TSHZ2: variants seen among roughly 807,000 people sequenced by gnomAD.
TSHZ2 encodes teashirt homolog 2.
TSHZ2 carries 21 observed loss-of-function variants against 74.4 expected under a neutral mutation model. The observed-to-expected ratio is 0.28, with a 90% confidence interval of 0.20 to 0.41. The LOEUF (loss-of-function observed/expected upper bound fraction) is 0.41. Ranked by LOEUF, TSHZ2 falls within the 10% of genes least tolerant of loss-of-function variation. TSHZ2 has a pLI of 1.00. For synonymous variants in TSHZ2, 540 were observed against 515.3 expected, an observed-to-expected ratio of 1.05 and a Z score of -0.65; for missense variants, 1,244 against 1,293.5, an observed-to-expected ratio of 0.96 and a Z score of 0.59.
At chr20:53,313,668 G>A (rs531954421) in intron 2 of TSHZ2, among the ~76,000 whole-genome samples, 1 of 152,176 alleles carries the variant, frequency 6.6e-6, no homozygotes, top group South Asian at 2.1e-4. Flanking sequence ...CAGAAACCCT[G>A]GGTTATTTTC....
intron 1 of TSHZ2, among the ~76,000 whole-genome samples, chr20:53,236,575 G>C (rs1989944112): frequency 6.6e-6 from 1 of 152,192 alleles, no homozygotes; most frequent in South Asian, 2.1e-4. Flanking sequence ...GAGGGCACTG[G>C]GTCTGGGGTC....
intron 2 of TSHZ2, among the ~76,000 whole-genome samples, chr20:53,435,541 T>G (rs1984018592): frequency 1.3e-5 from 2 of 152,130 alleles, no homozygotes; most frequent in Non-Finnish European, 2.9e-5. Context: ...TGAGACAGAG[T>G]CTTGCTCTGT....
At chr20:53,235,137 C>CCG (rs1989912073) in intron 1 of TSHZ2, among the ~76,000 whole-genome samples, 2 of 72,442 alleles carry the variant, frequency 2.8e-5, no homozygotes, top group South Asian at 1.1e-3. Flanking sequence ...TTGGGCGGGG[C>CCG]GGGGGGGGGG....
chr20:52,991,219 T>C (rs1227790998), intron 1 of TSHZ2, among the ~76,000 whole-genome samples: 4 of 151,254 alleles, frequency 2.6e-5, no homozygotes, highest in African/African-American at 9.7e-5. Context: ...GTGTGGATTA[T>C]GTATGTTGTG....
chr20:53,258,294 G>A (rs980685375), intron 2 of TSHZ2, among the ~76,000 whole-genome samples: 2 of 152,006 alleles, frequency 1.3e-5, no homozygotes, highest in Non-Finnish European at 2.9e-5. Flanking sequence ...GTTCAACAGC[G>A]TCCTATTTAT....
At chr20:53,091,896 A>T (rs552498907) in intron 1 of TSHZ2, among the ~76,000 whole-genome samples, 1 of 152,118 alleles carries the variant, frequency 6.6e-6, no homozygotes, top group East Asian at 1.9e-4. Flanking sequence ...ATAAAAATAA[A>T]TTAGCTAGAC....
rs548671866 is a variant in TSHZ2 at position 53,320,276 on chromosome 20, G to A, written c.*8+63705G>A. 5.3e-5 allele frequency among the ~76,000 whole-genome samples: 8 copies of A among 152,306 alleles called. 1 individual carries two copies. The highest frequency in any genetic ancestry group is 2.0e-4 in the Admixed American group (3 of 15,296). ...TTTCAAATGAGGAAACTGAGGCATA[G>A]GGAGGTTGAGTAACTTGCCCACAGT... On this transcript the variant is annotated intron_variant, in intron 2 of 2. Coordinates refer to ENST00000371497, the MANE Select transcript of TSHZ2 (RefSeq NM_173485.6).
intron 2 of TSHZ2, among the ~76,000 whole-genome samples, chr20:53,417,280 C>T (rs942279294): frequency 2.9e-5 from 4 of 136,858 alleles, no homozygotes; most frequent in African/African-American, 1.1e-4. Context: ...ACACACACAC[C>T]ATAGTTTTTT....
At chr20:53,080,887 G>C (rs1985513921) in intron 1 of TSHZ2, among the ~76,000 whole-genome samples, 1 of 152,168 alleles carries the variant, frequency 6.6e-6, no homozygotes, top group Non-Finnish European at 1.5e-5. Flanking sequence ...GATTGAATTT[G>C]ACACCAGTTT....
intron 1 of TSHZ2, among the ~76,000 whole-genome samples, chr20:53,032,576 G>T (rs890366175): frequency 2.0e-5 from 3 of 152,186 alleles, no homozygotes; most frequent in Non-Finnish European, 4.4e-5. Context: ...TGTTTTGTGA[G>T]TTCTTGAATA....
chr20:53,237,887 A>G (rs1199258550), intron 1 of TSHZ2, among the ~76,000 whole-genome samples: 2 of 152,110 alleles, frequency 1.3e-5, no homozygotes, highest in Non-Finnish European at 2.9e-5. Flanking sequence ...CTGCAACCGT[A>G]CTCGAGACGG....
At chr20:53,251,859 A>C (rs1438601527) in intron 1 of TSHZ2, among the ~76,000 whole-genome samples, 1 of 152,184 alleles carries the variant, frequency 6.6e-6, no homozygotes, top group Non-Finnish European at 1.5e-5. Flanking sequence ...GGGTCTCATC[A>C]AAGGGTTCTT....
intron 1 of TSHZ2, among the ~76,000 whole-genome samples, chr20:53,061,252 T>C (rs1004486366): frequency 2.0e-5 from 3 of 152,178 alleles, no homozygotes; most frequent in Admixed American, 6.5e-5. Context: ...TTTAAGCACA[T>C]AGAGGAATTC....
chr20:53,229,900 G>A (rs1989780392), intron 1 of TSHZ2, among the ~76,000 whole-genome samples: 1 of 68,934 alleles, frequency 1.5e-5, no homozygotes, highest in East Asian at 2.6e-4. Flanking sequence ...AAGAGAGAGG[G>A]AGGGGAAAAA....
chr20:52,975,401 G>A (rs951823673), intron 1 of TSHZ2, among the ~76,000 whole-genome samples: 3 of 152,012 alleles, frequency 2.0e-5, no homozygotes, highest in South Asian at 2.1e-4. Context: ...ATTATCCTAC[G>A]ATCGATAAGG....
intron 2 of TSHZ2, among the ~76,000 whole-genome samples, chr20:53,332,230 C>G (rs1979753374): frequency 6.6e-6 from 1 of 152,136 alleles, no homozygotes. Context: ...TGAAGAGGCC[C>G]CAGTGCTCTG....
intron 2 of TSHZ2, among the ~76,000 whole-genome samples, chr20:53,262,143 A>C (rs1482293765): frequency 6.6e-6 from 1 of 152,186 alleles, no homozygotes; most frequent in Non-Finnish European, 1.5e-5. Context: ...GCTAATTTGA[A>C]ACCCAACCTG....
rs1982794797 is a variant in TSHZ2 at position 53,405,081 on chromosome 20, CTCTACAAA to C, written c.*9-82062_*9-82055del. On this transcript the variant is annotated intron_variant, in intron 2 of 2. Transcript: ENST00000371497. The stretch of plus-strand genomic sequence containing the variant: ...CCTGGCCACCAGGGCGAAAACCTGT[CTCTACAAA>C]AATACAAAAATTAGCCAGCTGTGGT... Among the ~76,000 whole-genome samples, 3 of 152,102 alleles carry C rather than the reference CTCTACAAA, an allele frequency of 2.0e-5. No homozygotes were observed. In the South Asian group the frequency reaches 6.2e-4, roughly 32 times the overall value.
chr20:53,094,771 C>T (rs902246073), intron 1 of TSHZ2, among the ~76,000 whole-genome samples: 2 of 152,174 alleles, frequency 1.3e-5, no homozygotes, highest in Non-Finnish European at 2.9e-5. Flanking sequence ...GCTCTCTGTA[C>T]CTGTGCTTCC....
Sources: gnomAD v4.1 joint callset for allele counts (sites outside exome capture counted in the v4.1 genomes callset) on GRCh38, gnomAD v4.1.1 for gene constraint, MANE v1.5 for transcripts, NCBI Gene and HGNC (gene_info 2026-07-23, HGNC 2026-07-21) for gene names.